Variants in SYT14 observed in about 807,000 individuals in gnomAD.
The protein encoded by SYT14 is synaptotagmin 14.
SYT14 carries 32 observed loss-of-function variants against 74.2 expected under a neutral mutation model. The observed-to-expected ratio is 0.43, with a 90% confidence interval of 0.33 to 0.58. The LOEUF is 0.58. Ranked by LOEUF, SYT14 falls within the 20% of genes least tolerant of loss-of-function variation. The pLI, the probability that SYT14 is intolerant of heterozygous loss-of-function variation, is 0.05. For missense variants in SYT14, 791 were observed against 981.8 expected (o/e 0.81, Z 2.60); for synonymous variants, 298 against 337.7 (o/e 0.88, Z 1.29).
intron 2 of SYT14, among the ~76,000 whole-genome samples, chr1:209,990,527 A>ATATATATATACGTATATACG (rs2079646860): frequency 7.8e-5 from 1 of 12,818 alleles, no homozygotes; most frequent in Non-Finnish European, 2.3e-4. Flanking sequence ...TATTTCACAT[A>ATATATATATACGTATATACG]TATATATATA....
At chr1:210,042,441 A>T (rs550121235) in intron 5 of SYT14, among the ~76,000 whole-genome samples, 3 of 152,170 alleles carry the variant, frequency 2.0e-5, no homozygotes, top group African/African-American at 7.2e-5. Context: ...GTCCATGCCT[A>T]TGTCCTGAAT....
At chr1:210,011,932 TA>T (rs1558127226) in intron 2 of SYT14, among the ~76,000 whole-genome samples, 2 of 152,240 alleles carry the variant, frequency 1.3e-5, no homozygotes, top group South Asian at 2.1e-4. Context: ...GGGCAAATAA[TA>T]AAAAAGTTGA....
chr1:210,050,712 A>G (rs1482963374), intron 5 of SYT14, among the ~76,000 whole-genome samples: 1 of 152,212 alleles, frequency 6.6e-6, no homozygotes, highest in Non-Finnish European at 1.5e-5. Flanking sequence ...GTGGCAGACA[A>G]GAGAAGAGAG....
intron 1 of SYT14, 81 bp downstream of exon 1, chr1:209,938,358 G>T: frequency 7.0e-7 from 1 of 1,422,810 alleles, no homozygotes; most frequent in South Asian, 1.3e-5. Context: ...GGCAGGCCGA[G>T]GCGCTGACGG....
intron 2 of SYT14, among the ~76,000 whole-genome samples, chr1:210,012,784 C>G (rs2080110598): frequency 6.6e-6 from 1 of 151,684 alleles, no homozygotes; most frequent in Admixed American, 6.6e-5. Context: ...TCACTGCAAC[C>G]TCTGCCTCTC....
intron 2 of SYT14, among the ~76,000 whole-genome samples, chr1:210,011,909 A>G (rs1019748011): frequency 1.3e-5 from 2 of 152,182 alleles, no homozygotes; most frequent in Non-Finnish European, 2.9e-5. Flanking sequence ...TTAACTCCAA[A>G]TGACTGATAT....
exon 10 of SYT14, chr1:210,169,102 C>T (rs944916062): frequency 1.3e-5 from 2 of 151,760 alleles, no homozygotes; most frequent in African/African-American, 2.4e-5. Flanking sequence ...TTTTAAAAAC[C>T]TGGTTTTTAA....
chr1:209,940,367 CTT>C (rs35220448), intron 1 of SYT14, among the ~76,000 whole-genome samples: 4 of 144,854 alleles, frequency 2.8e-5, no homozygotes, highest in Admixed American at 6.9e-5. Context: ...TTCAGTAGAC[CTT>C]TTTTTTTTTT....
intron 7 of SYT14, among the ~76,000 whole-genome samples, chr1:210,148,916 A>G (rs915514446): frequency 2.0e-5 from 3 of 152,318 alleles, no homozygotes; most frequent in Admixed American, 2.0e-4. Flanking sequence ...CTCATTTATA[A>G]ACATATATGC....
intron 5 of SYT14, among the ~76,000 whole-genome samples, chr1:210,086,581 C>T (rs1454393357): frequency 6.6e-6 from 1 of 152,150 alleles, no homozygotes; most frequent in East Asian, 1.9e-4. Flanking sequence ...CCTGGCCTCA[C>T]CCTGGAATTA....
Position 209,952,953 on chromosome 1 carries a change from A to G in SYT14, c.-486+197A>G, listed in dbSNP as rs536682520. 2.9e-5 allele frequency: 35 copies of G among 1,207,098 alleles called. No individual in the cohort carries two copies. In the African/African-American group the frequency reaches 3.6e-4, roughly 13 times the overall value. 74.8% of individuals were successfully genotyped at this position (1,207,098 alleles called of 1,614,324 possible). A position where few individuals can be genotyped will look rare whatever the true frequency, so the allele number is the denominator to read the frequency against. The stretch of plus-strand genomic sequence containing the variant: ...TGATTATTGAGAGTTGTTGCTTTAT[A>G]TTTAGTTTTGATGGGCTAATAAAGC... On this transcript the variant is annotated intron_variant, in intron 2 of 9. Transcript: ENST00000637265.
At chr1:209,973,244 G>C (rs560361849) in intron 2 of SYT14, among the ~76,000 whole-genome samples, 2 of 151,696 alleles carry the variant, frequency 1.3e-5, no homozygotes, top group East Asian at 3.9e-4. Context: ...AAGTTTTAGG[G>C]TACATGTGCA....
intron 5 of SYT14, among the ~76,000 whole-genome samples, chr1:210,088,525 C>T (rs1246686717): frequency 1.3e-5 from 2 of 152,026 alleles, no homozygotes; most frequent in South Asian, 2.1e-4. Context: ...ACTATGAAGG[C>T]ACATGTACAC....
intron 2 of SYT14, among the ~76,000 whole-genome samples, chr1:210,002,584 C>A (rs1025178473): frequency 6.6e-6 from 1 of 151,660 alleles, no homozygotes; most frequent in Non-Finnish European, 1.5e-5. Context: ...GAAAGATTTC[C>A]AATTGCTCCA....
At chr1:209,943,750 C>G (rs1481076650) in intron 1 of SYT14, among the ~76,000 whole-genome samples, 1 of 151,984 alleles carries the variant, frequency 6.6e-6, no homozygotes, top group African/African-American at 2.4e-5. Flanking sequence ...TTCTTTTCCT[C>G]TGAATCCTAG....
At chr1:210,019,788 A>G (rs1033483811) in intron 4 of SYT14, among the ~76,000 whole-genome samples, 3 of 152,186 alleles carry the variant, frequency 2.0e-5, no homozygotes, top group African/African-American at 7.2e-5. Context: ...AGATTGAACT[A>G]ATGAATTTTA....
At position 210,099,714 on chromosome 1, in the gene SYT14, G is replaced by T. The variant is rs73072287; in HGVS notation, c.1585-298G>T. 7.9e-3 allele frequency among the ~76,000 whole-genome samples: 1,208 copies of T among 152,218 alleles called. 20 individuals are homozygous for T. Among genetic ancestry groups the T allele is most frequent in the African/African-American group, 0.028 (1,154 of 41,522 alleles). ...AAAGGAGCAGATATACCCACTAAAGGATATATTTTAAATTCTCATTTATAA... is the reference window on the plus strand; with the variant it reads ...AAAGGAGCAGATATACCCACTAAAGTATATATTTTAAATTCTCATTTATAA... On this transcript the variant is annotated intron_variant, in intron 6 of 9. Transcript: ENST00000637265.
At chr1:209,940,399 T>C (rs2078710756) in intron 1 of SYT14, among the ~76,000 whole-genome samples, 1 of 151,460 alleles carries the variant, frequency 6.6e-6, no homozygotes, top group African/African-American at 2.4e-5. Flanking sequence ...CTGTATACAA[T>C]GTTCATTGCT....
chr1:210,157,055 G>A (rs6699544), intron 8 of SYT14, among the ~76,000 whole-genome samples: 3,186 of 152,036 alleles, frequency 0.021, 112 homozygotes, highest in African/African-American at 0.072. Flanking sequence ...AATTTGAAAC[G>A]AAATCTGAAA....
Sources: gnomAD v4.1 joint callset for allele counts (sites outside exome capture counted in the v4.1 genomes callset) on GRCh38, gnomAD v4.1.1 for gene constraint, MANE v1.5 for transcripts, NCBI Gene and HGNC (gene_info 2026-07-23, HGNC 2026-07-21) for gene names.